ADAM28: variants seen among roughly 807,000 people sequenced by gnomAD.
ADAM28 encodes ADAM metallopeptidase domain 28.
ADAM28 carries 105 observed loss-of-function variants against 101.2 expected under a neutral mutation model. The ratio of observed to expected loss-of-function variants is 1.04; its 90% CI spans 0.89 to 1.22. ADAM28 has a LOEUF of 1.22. Among genes scored for constraint, ADAM28 ranks in the 50% most tolerant of loss-of-function variants. The pLI, the probability that ADAM28 is intolerant of heterozygous loss-of-function variation, is 0.00. For synonymous variants in ADAM28, 322 were observed against 310.6 expected, an observed-to-expected ratio of 1.04 and a Z score of -0.39; for missense variants, 1,028 against 945.4, an observed-to-expected ratio of 1.09 and a Z score of -1.15.
At chr8:24,334,252 G>A (rs1210499192) in intron 13 of ADAM28, among the ~76,000 whole-genome samples, 1 of 152,112 alleles carries the variant, frequency 6.6e-6, no homozygotes, top group African/African-American at 2.4e-5. Context: ...TTTACGTACA[G>A]TCTCACTTGA....
chr8:24,340,638 T>G (rs1318803994), intron 15 of ADAM28, among the ~76,000 whole-genome samples: 1 of 152,180 alleles, frequency 6.6e-6, no homozygotes, highest in African/African-American at 2.4e-5. Context: ...TAGTCACTTC[T>G]CAGTAGTCAT....
Position 24,355,910 on chromosome 8 carries a change from G to A in ADAM28, c.*1506G>A, listed in dbSNP as rs1816653209. On this transcript the variant is annotated 3_prime_UTR_variant, in exon 23 of 23. Transcript: ENST00000265769. ...GAACATGCTTTAGTTCATCATCACA[G>A]CTACAGTTTTTCTTGTATTTGTCTG... The A allele has an allele frequency of 6.6e-6, 1 of 152,082 alleles. No homozygotes were observed. The highest frequency in any genetic ancestry group is 1.5e-5 in the Non-Finnish European group (1 of 68,018). The allele number at this position is 152,082 out of a possible 1,614,324, so 9.4% of individuals were successfully genotyped here. A position where few individuals can be genotyped will look rare whatever the true frequency, so the allele number is the denominator to read the frequency against.
chr8:24,350,979 T>C (rs1398218817), intron 19 of ADAM28, among the ~76,000 whole-genome samples: 2 of 151,966 alleles, frequency 1.3e-5, no homozygotes, highest in African/African-American at 4.8e-5. Flanking sequence ...TAGATAAAAT[T>C]TGGATTCAAC....
chr8:24,304,965 A>G (rs900526248), intron 2 of ADAM28, among the ~76,000 whole-genome samples: 2 of 151,640 alleles, frequency 1.3e-5, no homozygotes, highest in Non-Finnish European at 2.9e-5. Context: ...TGTGTAGCCC[A>G]TCATATTCCA....
intron 21 of ADAM28, among the ~76,000 whole-genome samples, chr8:24,352,886 C>T (rs1179732797): frequency 4.6e-5 from 7 of 151,966 alleles, no homozygotes; most frequent in Admixed American, 4.6e-4. Flanking sequence ...GATTTTCCAC[C>T]ACCGCCAATT....
At chr8:24,325,888 A>AACAAACAAAC (rs1563296977) in intron 9 of ADAM28, among the ~76,000 whole-genome samples, 9 of 136,128 alleles carry the variant, frequency 6.6e-5, no homozygotes, top group African/African-American at 2.4e-4. Flanking sequence ...AAAAAAAAAA[A>AACAAACAAAC]AAAAAAAAAA....
rs1197990218 is a variant in ADAM28 at position 24,357,577 on chromosome 8, GA to G, written c.*3176del. 1.3e-5 allele frequency: 2 copies of G among 152,010 alleles called. No homozygotes were observed. The highest frequency in any genetic ancestry group is 4.8e-5 in the African/African-American group (2 of 41,380). 9.4% of individuals were successfully genotyped at this position (152,010 alleles called of 1,614,324 possible). A position where few individuals can be genotyped will look rare whatever the true frequency, so the allele number is the denominator to read the frequency against. On this transcript the variant is annotated 3_prime_UTR_variant, in exon 23 of 23. Transcript: ENST00000265769. ...TTACTATCTCGACAAAAGCATGGGG[GA>G]AACCACCCCCATGATCCAATCACCT...
intron 2 of ADAM28, among the ~76,000 whole-genome samples, chr8:24,306,152 C>A (rs1029201946): frequency 6.6e-6 from 1 of 151,556 alleles, no homozygotes; most frequent in Non-Finnish European, 1.5e-5. Context: ...GTCCGACCAA[C>A]ATGGTGAAAC....
chr8:24,305,119 T>A (rs903935351), intron 2 of ADAM28, among the ~76,000 whole-genome samples: 2 of 152,086 alleles, frequency 1.3e-5, no homozygotes, highest in Admixed American at 6.6e-5. Context: ...ATGTTTTTTT[T>A]AATGGATTTC....
At position 24,349,937 on chromosome 8, in the gene ADAM28, C is replaced by T. The variant is rs752557163; in HGVS notation, c.2064C>T (p.His688=). ...IFVVVAMVIR[H]QSSREKQKKD... is the part of the protein sequence containing the mutation. ...TGGTGGTTGCTATGGTAATCCGGCA[C>T]CAGAGCTCCAGAGAAAAGCAGAAGA... Residue 688 remains histidine (H), a synonymous_variant, in exon 19 of 23, where the codon CAC becomes CAT. Transcript: ENST00000265769. 1.9e-6 allele frequency: 3 copies of T among 1,613,486 alleles called. No individual in the cohort carries two copies. The highest frequency in any genetic ancestry group is 2.5e-6 in the Non-Finnish European group (3 of 1,179,744).
At chr8:24,298,802 G>A (rs775589757) in intron 1 of ADAM28, among the ~76,000 whole-genome samples, 23 of 152,126 alleles carry the variant, frequency 1.5e-4, no homozygotes, top group African/African-American at 2.2e-4. Context: ...CAGGTCTATC[G>A]ACTATATACA....
chr8:24,348,035 T>C (rs1310494454), intron 18 of ADAM28, among the ~76,000 whole-genome samples: 1 of 152,182 alleles, frequency 6.6e-6, no homozygotes, highest in Non-Finnish European at 1.5e-5. Flanking sequence ...TAATTACTGA[T>C]GTACTTGGGT....
At chr8:24,331,116 C>T (rs780456949) in intron 11 of ADAM28, 34 bp from the exon 12 acceptor site, 9 of 1,579,504 alleles carry the variant, frequency 5.7e-6, no homozygotes, top group Non-Finnish European at 7.7e-6. Flanking sequence ...TTAAGCATGA[C>T]TATATTCCAG....
chr8:24,354,444 T>G lies in ADAM28; in HGVS notation c.*40T>G, dbSNP rs529172631. The G allele has an allele frequency of 1.3e-6, 2 of 1,593,288 alleles. No individual in the cohort carries two copies. The highest frequency in any genetic ancestry group is 2.3e-5 in the South Asian group (2 of 87,636). On this transcript the variant is annotated 3_prime_UTR_variant, in exon 23 of 23. Transcript: ENST00000265769. Reference sequence around the variant, plus strand: ...AAGAACTAATGGCTAAATTATCAACTTGGAAAACTGGAAAATCTGGATGGC... The same window carrying G: ...AAGAACTAATGGCTAAATTATCAACGTGGAAAACTGGAAAATCTGGATGGC...
Position 24,349,913 on chromosome 8 carries a change from G to T in ADAM28, c.2040G>T (p.Val680=), listed in dbSNP as rs1338514681. Residue 680 remains valine (V), a synonymous_variant, in exon 19 of 23, where the codon GTG becomes GTT. Transcript: ENST00000265769. The part of the protein sequence containing the change: ...GVLFPMAVIF[V]VVAMVIRHQS... ...TGTTCCCAATGGCGGTCATTTTTGT[G>T]GTGGTTGCTATGGTAATCCGGCACC... The T allele has an allele frequency of 6.2e-7, 1 of 1,613,690 alleles. No individual in the cohort carries two copies. The highest frequency in any genetic ancestry group is 8.5e-7 in the Non-Finnish European group (1 of 1,179,788).
chr8:24,305,997 G>A (rs531700781), intron 2 of ADAM28, among the ~76,000 whole-genome samples: 45 of 152,182 alleles, frequency 3.0e-4, no homozygotes, highest in African/African-American at 1.0e-3. Flanking sequence ...ATCAAAAACC[G>A]CATGACAGGG....
Position 24,342,943 on chromosome 8 carries a change from A to G in ADAM28, c.1831-158A>G, listed in dbSNP as rs999044326. 12 of 1,357,270 alleles carry G rather than the reference A, an allele frequency of 8.8e-6. No homozygotes were observed. In the East Asian group the frequency reaches 2.8e-4, roughly 32 times the overall value. 84.1% of individuals were successfully genotyped at this position (1,357,270 alleles called of 1,614,324 possible). A position where few individuals can be genotyped will look rare whatever the true frequency, so the allele number is the denominator to read the frequency against. On this transcript the variant is annotated intron_variant, in intron 16 of 22. Transcript: ENST00000265769. ...TTTGGGTTGGTTTAACTAAGAGGAT[A>G]ATGTAAGCAACAGAGCCCGTCTCTG...
At chr8:24,337,565 G>C (rs1814251136) in intron 14 of ADAM28, among the ~76,000 whole-genome samples, 1 of 152,116 alleles carries the variant, frequency 6.6e-6, no homozygotes, top group South Asian at 2.1e-4. Flanking sequence ...GCTCAAAATT[G>C]TCTATTGAAT....
chr8:24,323,509 A>T (rs1178435133), intron 8 of ADAM28, among the ~76,000 whole-genome samples: 1 of 151,986 alleles, frequency 6.6e-6, no homozygotes, highest in Admixed American at 6.6e-5. Flanking sequence ...AGCCATAGTA[A>T]TGGGCCACTG....
Sources: allele counts gnomAD v4.1 joint callset (sites outside exome capture counted in the v4.1 genomes callset), GRCh38; gene constraint gnomAD v4.1.1; transcripts MANE v1.5; gene names NCBI Gene and HGNC (gene_info 2026-07-23, HGNC 2026-07-21).